Variants in TAFA5 observed in about 807,000 individuals in gnomAD.
TAFA5 encodes TAFA chemokine like family member 5.
Under a neutral mutation model 15.3 loss-of-function variants are expected in TAFA5, and 6 were observed. The ratio of observed to expected loss-of-function variants is 0.39; its 90% CI spans 0.21 to 0.77. TAFA5 has a LOEUF of 0.77. Among genes scored for constraint, TAFA5 ranks in the 30% least tolerant of loss-of-function variants. The pLI is 0.41. For missense variants in TAFA5, 161 were observed against 193.1 expected (o/e 0.83, Z 0.98); for synonymous variants, 103 against 80.7 (o/e 1.28, Z -1.48).
At chr22:48,740,760 C>T (rs1488192949) in intron 3 of TAFA5, among the ~76,000 whole-genome samples, 3 of 152,148 alleles carry the variant, frequency 2.0e-5, no homozygotes, top group African/African-American at 4.8e-5. Flanking sequence ...GTGGTGGCTG[C>T]GATGTGGCCT....
At chr22:48,583,870 G>A (rs936360025) in intron 1 of TAFA5, among the ~76,000 whole-genome samples, 2 of 126,312 alleles carry the variant, frequency 1.6e-5, no homozygotes, top group African/African-American at 3.0e-5. Flanking sequence ...ACACACACAC[G>A]CAACATCATA....
chr22:48,687,551 G>A (rs950159716), intron 2 of TAFA5, among the ~76,000 whole-genome samples: 2 of 152,112 alleles, frequency 1.3e-5, no homozygotes, highest in Admixed American at 6.5e-5. Context: ...CCTAGTGAGG[G>A]CACCAGGTTC....
intron 2 of TAFA5, among the ~76,000 whole-genome samples, chr22:48,703,224 T>C (rs1928971587): frequency 6.6e-6 from 1 of 152,046 alleles, no homozygotes; most frequent in African/African-American, 2.4e-5. Context: ...TGTGTACGTG[T>C]GTGTGTTGTG....
chr22:48,602,852 T>C (rs1925024896), intron 1 of TAFA5, among the ~76,000 whole-genome samples: 1 of 151,968 alleles, frequency 6.6e-6, no homozygotes, highest in Non-Finnish European at 1.5e-5. Flanking sequence ...CCCTGAGAGG[T>C]TATTGGTGTC....
At chr22:48,572,900 G>A (rs1287146919) in intron 1 of TAFA5, among the ~76,000 whole-genome samples, 1 of 152,244 alleles carries the variant, frequency 6.6e-6, no homozygotes, top group Non-Finnish European at 1.5e-5. Context: ...TGGTGACAAA[G>A]TCATAGTTAT....
chr22:48,509,674 C>G (rs1921136510), intron 1 of TAFA5, among the ~76,000 whole-genome samples: 1 of 152,132 alleles, frequency 6.6e-6, no homozygotes, highest in South Asian at 2.1e-4. Flanking sequence ...ACTAGAGGCC[C>G]AGCGCAATGG....
At chr22:48,705,137 A>G (rs2147249380) in intron 2 of TAFA5, among the ~76,000 whole-genome samples, 1 of 152,220 alleles carries the variant, frequency 6.6e-6, no homozygotes, top group African/African-American at 2.4e-5. Context: ...GTGAGGCTGC[A>G]CTGAGAGGAT....
intron 1 of TAFA5, among the ~76,000 whole-genome samples, chr22:48,509,438 C>G (rs552214880): frequency 6.6e-6 from 1 of 152,176 alleles, no homozygotes; most frequent in African/African-American, 2.4e-5. Flanking sequence ...ATAGTGTATA[C>G]GGCTTCCCTT....
intron 3 of TAFA5, among the ~76,000 whole-genome samples, chr22:48,739,892 T>C (rs1307619636): frequency 6.6e-6 from 1 of 152,102 alleles, no homozygotes; most frequent in South Asian, 2.1e-4. Context: ...TACTCCATGG[T>C]CTATGGCAGC....
intron 1 of TAFA5, among the ~76,000 whole-genome samples, chr22:48,624,784 T>G (rs1291229706): frequency 2.0e-5 from 3 of 152,114 alleles, no homozygotes; most frequent in African/African-American, 7.2e-5. Context: ...GTGGGTTTCT[T>G]TCATCACAGA....
At chr22:48,656,393 C>G (rs1342365463) in intron 2 of TAFA5, among the ~76,000 whole-genome samples, 1 of 151,800 alleles carries the variant, frequency 6.6e-6, no homozygotes, top group East Asian at 2.0e-4. Context: ...GTAGTCTTAG[C>G]TACTTGGGAG....
chr22:48,610,463 T>C (rs1925359881), intron 1 of TAFA5, among the ~76,000 whole-genome samples: 2 of 152,184 alleles, frequency 1.3e-5, no homozygotes, highest in African/African-American at 4.8e-5. Context: ...AGGCACCCAG[T>C]GAACTGCGGA....
At chr22:48,599,996 C>T (rs1242481643) in intron 1 of TAFA5, among the ~76,000 whole-genome samples, 1 of 152,138 alleles carries the variant, frequency 6.6e-6, no homozygotes. Context: ...TGCAGCTCTC[C>T]CCCCGTCTGT....
At chr22:48,540,739 T>C (rs1922338466) in intron 1 of TAFA5, among the ~76,000 whole-genome samples, 1 of 152,190 alleles carries the variant, frequency 6.6e-6, no homozygotes, top group South Asian at 2.1e-4. Context: ...AATGATGTTA[T>C]TCAGAATTTA....
chr22:48,604,717 T>C (rs71311639), intron 1 of TAFA5, among the ~76,000 whole-genome samples: 2 of 148,540 alleles, frequency 1.3e-5, no homozygotes, highest in South Asian at 2.1e-4. Context: ...AGATTTTTTT[T>C]CCATCCTTCC....
intron 1 of TAFA5, among the ~76,000 whole-genome samples, chr22:48,525,908 C>T (rs145923163): frequency 2.4e-4 from 36 of 152,312 alleles, no homozygotes; most frequent in African/African-American, 7.7e-4. Context: ...CACCTGTGGA[C>T]GAGGTGTCCT....
intron 1 of TAFA5, among the ~76,000 whole-genome samples, chr22:48,579,698 T>C (rs1004659247): frequency 6.6e-6 from 1 of 152,354 alleles, no homozygotes; most frequent in East Asian, 1.9e-4. Flanking sequence ...TCACTTGGAC[T>C]CCAGCACTCC....
chr22:48,709,206 C>T (rs920173693), intron 3 of TAFA5, among the ~76,000 whole-genome samples: 1 of 152,170 alleles, frequency 6.6e-6, no homozygotes, highest in African/African-American at 2.4e-5. Context: ...CACCCCGAGG[C>T]ATGCGGACAG....
At chr22:48,653,656 G>A (rs11704388) in intron 2 of TAFA5, among the ~76,000 whole-genome samples, 6,106 of 152,166 alleles carry the variant, frequency 0.04, 248 homozygotes, top group East Asian at 0.23. Flanking sequence ...ATCTCGGTGC[G>A]TTTAATTGTT....
Sources: allele counts gnomAD v4.1 joint callset (sites outside exome capture counted in the v4.1 genomes callset), GRCh38; gene constraint gnomAD v4.1.1; transcripts MANE v1.5; gene names NCBI Gene and HGNC (gene_info 2026-07-23, HGNC 2026-07-21).